DPP10: variants seen among roughly 807,000 people sequenced by gnomAD.
DPP10 encodes the protein dipeptidyl peptidase like 10, also known as inactive dipeptidyl peptidase 10.
In DPP10, 33 loss-of-function variants were observed where a neutral mutation model predicts 120.9. That is an observed-to-expected ratio of 0.27 (90% confidence interval 0.21 to 0.37). The LOEUF (loss-of-function observed/expected upper bound fraction) is 0.37, where lower values mean the gene tolerates loss of function less well. Ranked by LOEUF, DPP10 falls within the 10% of genes least tolerant of loss-of-function variation. The probability of loss-of-function intolerance (pLI) is 1.00; values close to 1 mark genes in which losing one functional copy is unlikely to be tolerated. For missense variants in DPP10, 816 were observed against 942.8 expected (o/e 0.87, Z 1.76); for synonymous variants, 337 against 326.1 (o/e 1.03, Z -0.36).
chr2:115,128,121 A>G (rs986651759), intron 1 of DPP10, among the ~76,000 whole-genome samples: 4 of 152,168 alleles, frequency 2.6e-5, no homozygotes, highest in African/African-American at 9.7e-5. Flanking sequence ...AACCTAATCC[A>G]AAATGCAAGG....
intron 1 of DPP10, among the ~76,000 whole-genome samples, chr2:115,032,181 T>C (rs1189061115): frequency 1.0e-5 from 1 of 95,886 alleles, no homozygotes; most frequent in Non-Finnish European, 2.0e-5. Flanking sequence ...CAATAGAGGG[T>C]AACTCTAGAA....
intron 1 of DPP10, among the ~76,000 whole-genome samples, chr2:114,469,859 G>A (rs1679758669): frequency 6.6e-6 from 1 of 152,178 alleles, no homozygotes; most frequent in South Asian, 2.1e-4. Context: ...TAGCTGCACA[G>A]AGCAGAGGCC....
intron 13 of DPP10, among the ~76,000 whole-genome samples, chr2:115,773,061 T>G (rs1177710081): frequency 6.6e-6 from 1 of 152,160 alleles, no homozygotes; most frequent in East Asian, 1.9e-4. Flanking sequence ...ATCCACAATT[T>G]TATCACCTAA....
chr2:114,889,523 T>C (rs541533790), intron 1 of DPP10, among the ~76,000 whole-genome samples: 1 of 152,062 alleles, frequency 6.6e-6, no homozygotes, highest in Admixed American at 6.6e-5. Context: ...CTACTAATAA[T>C]GTAACTTTTA....
intron 1 of DPP10, among the ~76,000 whole-genome samples, chr2:114,618,521 A>C (rs1044573175): frequency 6.6e-6 from 1 of 152,036 alleles, no homozygotes; most frequent in Non-Finnish European, 1.5e-5. Flanking sequence ...CAGGAAACAC[A>C]CTCAATACTC....
At chr2:115,638,753 C>T (rs1002553674) in intron 5 of DPP10, among the ~76,000 whole-genome samples, 121 of 152,040 alleles carry the variant, frequency 8.0e-4, no homozygotes, top group Non-Finnish European at 2.1e-4. Context: ...GGAGTTGATT[C>T]AGTGTATGTA....
At chr2:114,837,062 T>C (rs1687799204) in intron 1 of DPP10, among the ~76,000 whole-genome samples, 1 of 152,140 alleles carries the variant, frequency 6.6e-6, no homozygotes, top group South Asian at 2.1e-4. Context: ...GTGGAGTTAA[T>C]GCAATCATCA....
chr2:115,400,361 TA>T (rs2104475035), intron 3 of DPP10, among the ~76,000 whole-genome samples: 1 of 152,220 alleles, frequency 6.6e-6, no homozygotes, highest in African/African-American at 2.4e-5. Flanking sequence ...TTGCCCTGTT[TA>T]AAAAATGAAT....
chr2:115,181,898 G>A (rs991146400), intron 1 of DPP10, among the ~76,000 whole-genome samples: 2 of 152,118 alleles, frequency 1.3e-5, no homozygotes, highest in Non-Finnish European at 2.9e-5. Context: ...AAGGATAAAA[G>A]CGATGTCATG....
At chr2:115,250,106 T>C (rs1248348281) in intron 1 of DPP10, among the ~76,000 whole-genome samples, 3 of 152,186 alleles carry the variant, frequency 2.0e-5, no homozygotes, top group African/African-American at 4.8e-5. Context: ...CATTATCTGC[T>C]CATTGTCCTT....
chr2:114,644,383 A>G (rs956871725), intron 1 of DPP10, among the ~76,000 whole-genome samples: 1 of 151,246 alleles, frequency 6.6e-6, no homozygotes, highest in Non-Finnish European at 1.5e-5. Context: ...TGTGTGTATT[A>G]TATATACAAC....
At chr2:114,557,198 T>C (rs1558878294) in intron 1 of DPP10, among the ~76,000 whole-genome samples, 1 of 152,074 alleles carries the variant, frequency 6.6e-6, no homozygotes, top group East Asian at 1.9e-4. Flanking sequence ...CAATGAACTT[T>C]TGCAAGAACG....
In DPP10 at chr2:115,031,700, AT is replaced by A. The variant is rs932895651; in HGVS notation, c.61-277530del. The stretch of plus-strand genomic sequence containing the variant: ...TAAAACACCTCTCAAAAACACCTTA[AT>A]TTTTTTTTAAAATAATGTGACGAAG... On this transcript the variant is annotated intron_variant, in intron 1 of 25. Transcript: ENST00000410059. Among the ~76,000 whole-genome samples the A allele has an allele frequency of 2.6e-5, 4 of 152,022 alleles. No homozygotes were observed. In the South Asian group the frequency reaches 8.3e-4, roughly 31 times the overall value.
intron 3 of DPP10, among the ~76,000 whole-genome samples, chr2:115,350,672 T>C (rs556241086): frequency 6.6e-6 from 1 of 152,230 alleles, no homozygotes; most frequent in African/African-American, 2.4e-5. Context: ...GCAATGACTA[T>C]TAGACTTAAG....
At chr2:114,696,473 T>C (rs1312789803) in intron 1 of DPP10, among the ~76,000 whole-genome samples, 3 of 152,038 alleles carry the variant, frequency 2.0e-5, no homozygotes, top group Admixed American at 1.3e-4. Flanking sequence ...AATTCTTTTA[T>C]TTGCAGCTGA....
intron 1 of DPP10, among the ~76,000 whole-genome samples, chr2:114,568,309 G>A (rs1180325460): frequency 6.6e-6 from 1 of 152,128 alleles, no homozygotes; most frequent in African/African-American, 2.4e-5. Flanking sequence ...TTGGTATAAA[G>A]TTCTAACTTC....
In DPP10 at chr2:115,739,883, C is replaced by T. The variant is rs1416501116; in HGVS notation, c.842C>T (p.Pro281Leu). 6 of 1,612,960 alleles carry T rather than the reference C, an allele frequency of 3.7e-6. No homozygotes were observed. Among genetic ancestry groups the T allele is most frequent in the Admixed American group, 3.3e-5 (2 of 59,964 alleles). The change falls in exon 9 of 26, where the codon CCG becomes CTG. Residue 281 changes from proline to leucine, a missense_variant. Pro to Leu is a moderately conservative substitution (Grantham distance 98). Around this residue, in one of 3 missense-constraint regions of DPP10, gnomAD observed 592 missense variants for 649.0 expected, o/e 0.91. Coordinates refer to ENST00000410059, the MANE Select transcript of DPP10 (RefSeq NM_020868.6). ...TTGTATCCCAAAGGAAAGCAGTATCCGTATCCTAAGGTAAGTAACATGGAA... is the reference window on the plus strand; with the variant it reads ...TTGTATCCCAAAGGAAAGCAGTATCTGTATCCTAAGGTAAGTAACATGGAA... The part of the protein sequence containing the change: ...GALYPKGKQY[P>L]YPKAGQVNPT...
intron 21 of DPP10, among the ~76,000 whole-genome samples, chr2:115,830,315 A>G (rs528615397): frequency 6.7e-6 from 1 of 149,254 alleles, no homozygotes; most frequent in Non-Finnish European, 1.5e-5. Flanking sequence ...CCCAATTCCC[A>G]CCACTGCACT....
intron 5 of DPP10, among the ~76,000 whole-genome samples, chr2:115,594,197 A>G (rs2149188108): frequency 2.0e-5 from 3 of 152,298 alleles, no homozygotes; most frequent in Middle Eastern, 6.8e-3. Flanking sequence ...AGCTGAAGCC[A>G]TGCTAAATTA....
Sources: allele counts gnomAD v4.1 joint callset (sites outside exome capture counted in the v4.1 genomes callset), GRCh38; gene constraint gnomAD v4.1.1; regional missense constraint gnomAD v4.1.1; transcripts MANE v1.5; gene names NCBI Gene and HGNC (gene_info 2026-07-23, HGNC 2026-07-21).